Variants in RGMA observed in about 807,000 individuals in gnomAD.
RGMA encodes the protein repulsive guidance molecule A.
In RGMA, 10 loss-of-function variants were observed where a neutral mutation model predicts 23.2. The observed-to-expected ratio is 0.43, with a 90% CI of 0.27 to 0.73. The LOEUF (loss-of-function observed/expected upper bound fraction) is 0.73. Ranked by LOEUF, RGMA falls within the 30% of genes least tolerant of loss-of-function variation. The pLI is 0.20. For synonymous variants in RGMA, 308 were observed against 279.3 expected (o/e 1.10, Z -1.03); for missense variants, 547 against 630.5 (o/e 0.87, Z 1.42).
At chr15:93,078,647 A>T (rs1277838504) in intron 1 of RGMA, among the ~76,000 whole-genome samples, 1 of 152,226 alleles carries the variant, frequency 6.6e-6, no homozygotes, top group Non-Finnish European at 1.5e-5. Context: ...CCCTTAAGGT[A>T]CAAAGCAGCC....
rs1480344815 is a variant in RGMA, at chr15:93,044,600, G to GC, written c.*397dup. ...TGCGTGCGTGTGGCGGGCACAGGGGGCCCCACGGATCGGCGAGCAGCAGTC... is the reference window on the plus strand; with the variant it reads ...TGCGTGCGTGTGGCGGGCACAGGGGGCCCCCACGGATCGGCGAGCAGCAGTC... On this transcript the variant is annotated 3_prime_UTR_variant, in exon 4 of 4. Transcript: ENST00000329082. 1 of 266,040 alleles carries GC rather than the reference G, an allele frequency of 3.8e-6. No homozygotes were observed. Among genetic ancestry groups the GC allele is most frequent in the Non-Finnish European group, 7.2e-6 (1 of 137,962 alleles). The allele number at this position is 266,040 out of a possible 1,614,324, so 16.5% of individuals were successfully genotyped here.
rs3752103 is a variant in RGMA, at chr15:93,044,208, A to G, written c.*790T>C. 139,066 of 152,444 alleles carry G rather than the reference A, an allele frequency of 0.91. 65,100 individuals are homozygous for G. Among genetic ancestry groups the G allele is most frequent in the Non-Finnish European group, 0.99 (67,463 of 68,146 alleles). The allele number at this position is 152,444 out of a possible 1,614,324, so 9.4% of individuals were successfully genotyped here. ...CCAGGAGCTCTTGCATCTGCAGGAG[A>G]GAGAGGAACAGAAGTCAAGGATCTC... On this transcript the variant is annotated 3_prime_UTR_variant, in exon 4 of 4. Transcript: ENST00000329082.
chr15:93,079,736 C>T (rs975300548), intron 1 of RGMA, among the ~76,000 whole-genome samples: 1 of 152,162 alleles, frequency 6.6e-6, no homozygotes, highest in African/African-American at 2.4e-5. Flanking sequence ...AAGAGAATCA[C>T]TTGAACCCAG....
chr15:93,040,873 G>C lies in RGMA; in HGVS notation c.*4125C>G, dbSNP rs2054715431. 6.6e-6 allele frequency: 1 copy of C among 152,200 alleles called. No individual in the cohort carries two copies. The highest frequency in any genetic ancestry group is 2.1e-4 in the South Asian group (1 of 4,832). 9.4% of individuals were successfully genotyped at this position (152,200 alleles called of 1,614,324 possible). On this transcript the variant is annotated 3_prime_UTR_variant, in exon 4 of 4. Transcript: ENST00000329082. ...TGCCAGGGCCATGTGCGAGGCCATTGACGAGTGTTAGCTCACTGGATTTCC... is the reference window on the plus strand; with the variant it reads ...TGCCAGGGCCATGTGCGAGGCCATTCACGAGTGTTAGCTCACTGGATTTCC...
chr15:93,065,451 GA>G, intron 2 of RGMA: 3 of 406,956 alleles, frequency 7.4e-6, no homozygotes, highest in African/African-American at 6.2e-5. Context: ...GAGTCTCAAA[GA>G]AAAGATGAAA....
rs1284056763 is a variant in RGMA, at chr15:93,045,061, C to T, written c.1290G>A (p.Leu430=). 3 of 1,573,764 alleles carry T rather than the reference C, an allele frequency of 1.9e-6. No individual in the cohort carries two copies. The highest frequency in any genetic ancestry group is 2.6e-6 in the Non-Finnish European group (3 of 1,159,684). The change falls in exon 4 of 4, where the codon CTG becomes CTA. Residue 430 remains leucine (L), a synonymous_variant. Coordinates refer to ENST00000329082, the MANE Select transcript of RGMA (RefSeq NM_020211.3). This position sits in a 1 kb window ranked among gnomAD's most constrained non-coding sequence, Gnocchi z 6.9. The stretch of plus-strand genomic sequence containing the variant: ...GGGCGCCCAGGAGGGGCCGGGGGGC[C>T]AGGGGCAGCCCCGCAGCCGCCCTGC... ...LPGRAAAGLP[L]APRPLLGALV... is the part of the protein sequence containing the mutation.
At chr15:93,071,916 C>G (rs1209166712) in intron 2 of RGMA, among the ~76,000 whole-genome samples, 2 of 152,192 alleles carry the variant, frequency 1.3e-5, no homozygotes, top group African/African-American at 4.8e-5. Flanking sequence ...CTGGGAGATC[C>G]CGCCTTGCGC....
At chr15:93,066,125 C>A in intron 2 of RGMA, 1 of 1,371,116 alleles carries the variant, frequency 7.3e-7, no homozygotes, top group Non-Finnish European at 1.0e-6. Flanking sequence ...TAACAGCTGC[C>A]CTTCACGGGC....
rs2054772211 is a variant in RGMA, at chr15:93,044,136, C to T, written c.*862G>A. 1 of 152,334 alleles carries T rather than the reference C, an allele frequency of 6.6e-6. No homozygotes were observed. The highest frequency in any genetic ancestry group is 2.4e-5 in the African/African-American group (1 of 41,482). 9.4% of individuals were successfully genotyped at this position (152,334 alleles called of 1,614,324 possible). ...GAGGATCAGGGCAGGCCAGCTGGCC[C>T]CATCCACTGGGTCTCCTGCCACACC... On this transcript the variant is annotated 3_prime_UTR_variant, in exon 4 of 4. Coordinates refer to ENST00000329082, the MANE Select transcript of RGMA (RefSeq NM_020211.3).
chr15:93,074,687 C>T (rs772261426), intron 1 of RGMA, among the ~76,000 whole-genome samples: 1 of 152,206 alleles, frequency 6.6e-6, no homozygotes, highest in Non-Finnish European at 1.5e-5. Context: ...CCAGTGAAAG[C>T]CCACCATCGA....
chr15:93,044,636 T>G lies in RGMA; in HGVS notation c.*362A>C. ...CGGCGAGCAGCAGTCGGCCGGGCCT[T>G]TCAGTGCATTGCGAGGGGGAAGGAG... On this transcript the variant is annotated 3_prime_UTR_variant, in exon 4 of 4. Coordinates refer to ENST00000329082, the MANE Select transcript of RGMA (RefSeq NM_020211.3). 3.2e-6 allele frequency: 1 copy of G among 311,784 alleles called. No homozygotes were observed. Among genetic ancestry groups the G allele is most frequent in the Non-Finnish European group, 6.0e-6 (1 of 165,860 alleles). The allele number at this position is 311,784 out of a possible 1,614,324, so 19.3% of individuals were successfully genotyped here.
chr15:93,052,462 C>T lies in RGMA; in HGVS notation c.176G>A (p.Ser59Asn). The T allele has an allele frequency of 6.3e-7, 1 of 1,589,058 alleles. No individual in the cohort carries two copies. Among genetic ancestry groups the T allele is most frequent in the Non-Finnish European group, 8.5e-7 (1 of 1,172,742 alleles). The change falls in exon 3 of 4, where the codon AGC becomes AAC. Residue 59 changes from serine to asparagine, a missense_variant. By Grantham distance (46) the Ser-to-Asn change is conservative. Around this residue, in one of 3 missense-constraint regions of RGMA, gnomAD observed 214 missense variants for 234.7 expected, o/e 0.91. Coordinates refer to ENST00000329082, the MANE Select transcript of RGMA (RefSeq NM_020211.3). Reference sequence around the variant, plus strand: ...TGGGGCGTGGCTGCCCGACGTGGCGCTCCAGAACTCAGAGTTGCACTTGAG... The same window carrying T: ...TGGGGCGTGGCTGCCCGACGTGGCGTTCCAGAACTCAGAGTTGCACTTGAG... Reference protein sequence around the residue: ...KILKCNSEFWSATSGSHAPAS... With the variant: ...KILKCNSEFWNATSGSHAPAS...
At chr15:93,079,348 G>T (rs1895521896) in intron 1 of RGMA, among the ~76,000 whole-genome samples, 1 of 152,156 alleles carries the variant, frequency 6.6e-6, no homozygotes, top group Non-Finnish European at 1.5e-5. Context: ...AATTCATCCT[G>T]GGTTTCTCCC....
In RGMA at chr15:93,046,990, A is replaced by G. The variant is rs116108742; in HGVS notation, c.646-1285T>C. On this transcript the variant is annotated intron_variant, in intron 3 of 3. Coordinates refer to ENST00000329082, the MANE Select transcript of RGMA (RefSeq NM_020211.3). ...TGTATTACTTCCAGTCTCGTGTGAC[A>G]CTGCAAGGGTCGGTGACATTACTCT... Among the ~76,000 whole-genome samples the G allele has an allele frequency of 2.6e-3, 394 of 152,364 alleles. 1 individual carries two copies. The highest frequency in any genetic ancestry group is 9.1e-3 in the African/African-American group (379 of 41,586).
chr15:93,071,372 G>T (rs1296208481), intron 2 of RGMA, among the ~76,000 whole-genome samples: 1 of 152,212 alleles, frequency 6.6e-6, no homozygotes, highest in Non-Finnish European at 1.5e-5. Flanking sequence ...TACACTGGGG[G>T]TGAGGAGAGG....
In RGMA at chr15:93,074,001, C is replaced by A. The variant is rs74630251; in HGVS notation, c.15-970G>T. On this transcript the variant is annotated intron_variant, in intron 1 of 3. Transcript: ENST00000329082. ...GCTTCAGTATGGTGACCTTTCCTAACTCTGTCGCTTATTTTTCTGGGAAAG... is the reference window on the plus strand; with the variant it reads ...GCTTCAGTATGGTGACCTTTCCTAAATCTGTCGCTTATTTTTCTGGGAAAG... 3.8e-3 allele frequency: 5,313 copies of A among 1,390,636 alleles called. 135 individuals are homozygous for A. The African/African-American group carries it at 0.065, about 17-fold the overall frequency. 86.1% of individuals were successfully genotyped at this position (1,390,636 alleles called of 1,614,324 possible).
rs1342707362 is a variant in RGMA at position 93,043,239 on chromosome 15, TGCACGCACACAG to T, written c.*1747_*1758del. On this transcript the variant is annotated 3_prime_UTR_variant, in exon 4 of 4. Transcript: ENST00000329082. ...ACAGGCATGCGCACACATGCGTACA[TGCACGCACACAG>T]GCACGCACACACACAGGCATGCATA... 1 of 19,730 alleles carries T rather than the reference TGCACGCACACAG, an allele frequency of 5.1e-5. No individual in the cohort carries two copies. The highest frequency in any genetic ancestry group is 2.9e-4 in the East Asian group (1 of 3,498). The allele number at this position is 19,730 out of a possible 1,614,324, so 1.2% of individuals were successfully genotyped here.
At chr15:93,077,153 A>C (rs1325894451) in intron 1 of RGMA, among the ~76,000 whole-genome samples, 1 of 152,214 alleles carries the variant, frequency 6.6e-6, no homozygotes, top group Non-Finnish European at 1.5e-5. Flanking sequence ...CTGTAGAAGG[A>C]AGAGGTGAAG....
chr15:93,085,884 T>C (rs1215531668), intron 1 of RGMA, among the ~76,000 whole-genome samples: 1 of 152,238 alleles, frequency 6.6e-6, no homozygotes. Context: ...CATTTGTTCA[T>C]CTGTCACCAA....
Sources: gnomAD v4.1 joint callset for allele counts (sites outside exome capture counted in the v4.1 genomes callset) on GRCh38, gnomAD v4.1.1 for gene constraint, gnomAD v4.1.1 regional missense constraint, Gnocchi (gnomAD v3.1) non-coding constraint, MANE v1.5 for transcripts, NCBI Gene and HGNC (gene_info 2026-07-23, HGNC 2026-07-21) for gene names.